The following NLGN4Y variants were observed in gnomAD, a reference collection of about 807,000 sequenced individuals.
The protein encoded by NLGN4Y is neuroligin-4, Y-linked.
Under a neutral mutation model 8.4 loss-of-function variants are expected in NLGN4Y, and 4 were observed. That is an observed-to-expected ratio of 0.48 (90% confidence interval 0.23 to 1.09). NLGN4Y has a LOEUF of 1.09. NLGN4Y is among the 50% of genes least tolerant of loss of function. The pLI is 0.19. For synonymous variants in NLGN4Y, 35 were observed against 75.6 expected (o/e 0.46, Z 2.78); for missense variants, 90 against 192.3 (o/e 0.47, Z 3.15).
intron 4 of NLGN4Y, among the ~76,000 whole-genome samples, chrY:14,817,803 G>A: frequency 3.1e-5 from 1 of 32,692 alleles, no homozygotes; most frequent in Non-Finnish European, 7.5e-5. Flanking sequence ...CAGGGGAATG[G>A]AGAAGAAGGC....
intron 2 of NLGN4Y, among the ~76,000 whole-genome samples, chrY:14,658,062 T>C (rs896402133): frequency 6.0e-5 from 2 of 33,479 alleles, no homozygotes; most frequent in Non-Finnish European, 1.5e-4. Flanking sequence ...GTATATTGTG[T>C]AATGCTGAGG....
intron 1 of NLGN4Y, among the ~76,000 whole-genome samples, chrY:14,596,286 G>A (rs1603500884): frequency 9.0e-5 from 3 of 33,307 alleles, no homozygotes; most frequent in Admixed American, 5.5e-4. Flanking sequence ...TGGTGAGCCC[G>A]GGTGCCTAAA....
intron 1 of NLGN4Y, among the ~76,000 whole-genome samples, chrY:14,546,615 A>C (rs909502571): frequency 7.5e-4 from 23 of 30,694 alleles, no homozygotes; most frequent in African/African-American, 2.7e-3. Flanking sequence ...TGATTTTTGC[A>C]CAGTGATTTT....
chrY:14,795,060 A>G (rs2043001597), intron 4 of NLGN4Y, among the ~76,000 whole-genome samples: 2 of 32,713 alleles, frequency 6.1e-5, no homozygotes, highest in Non-Finnish European at 1.5e-4. Flanking sequence ...TTTTCAGTAG[A>G]GATGGGCTTT....
At chrY:14,828,118 T>C (rs2043155454) in intron 5 of NLGN4Y, among the ~76,000 whole-genome samples, 1 of 33,274 alleles carries the variant, frequency 3.0e-5, no homozygotes, top group East Asian at 7.8e-4. Context: ...ATTCCCAACA[T>C]ACTCATTTTG....
chrY:14,734,559 C>A (rs9786893), intron 4 of NLGN4Y, among the ~76,000 whole-genome samples: 7,107 of 33,163 alleles, frequency 0.21, no homozygotes, highest in African/African-American at 0.68. Context: ...TTTAAATCTC[C>A]TTTTGTTCAT....
intron 2 of NLGN4Y, among the ~76,000 whole-genome samples, chrY:14,704,655 G>A (rs2080869335): frequency 3.0e-5 from 1 of 32,909 alleles, no homozygotes; most frequent in African/African-American, 1.2e-4. Flanking sequence ...GGCTTTGGTA[G>A]CAGGATGATG....
At chrY:14,816,587 G>T (rs2150590006) in intron 4 of NLGN4Y, among the ~76,000 whole-genome samples, 4 of 33,944 alleles carry the variant, frequency 1.2e-4, no homozygotes, top group Non-Finnish European at 2.9e-4. Flanking sequence ...CATTTCTAAG[G>T]CTCGGGTAAG....
At chrY:14,586,484 T>C (rs1007663534) in intron 1 of NLGN4Y, among the ~76,000 whole-genome samples, 2 of 33,180 alleles carry the variant, frequency 6.0e-5, no homozygotes, top group Non-Finnish European at 1.5e-4. Flanking sequence ...TTTTTGGATA[T>C]TGTACAGTTC....
At chrY:14,673,661 C>T in intron 2 of NLGN4Y, among the ~76,000 whole-genome samples, 1 of 33,391 alleles carries the variant, frequency 3.0e-5, no homozygotes, top group African/African-American at 1.2e-4. Flanking sequence ...CCATTTGACC[C>T]AGCCATCCCA....
At chrY:14,807,222 T>G (rs2043060926) in intron 4 of NLGN4Y, among the ~76,000 whole-genome samples, 1 of 32,844 alleles carries the variant, frequency 3.0e-5, no homozygotes, top group African/African-American at 1.2e-4. Context: ...TTCAATAACC[T>G]TTCTATTAAT....
intron 2 of NLGN4Y, among the ~76,000 whole-genome samples, chrY:14,702,554 G>A: frequency 3.0e-5 from 1 of 32,980 alleles, no homozygotes; most frequent in Non-Finnish European, 7.5e-5. Context: ...CTTAATCCAG[G>A]CTATCATTGT....
chrY:14,654,394 A>C, intron 2 of NLGN4Y, among the ~76,000 whole-genome samples: 1 of 33,254 alleles, frequency 3.0e-5, no homozygotes, highest in Non-Finnish European at 7.4e-5. Flanking sequence ...AATGTATTTT[A>C]ATCACATTTT....
chrY:14,598,069 C>T, intron 1 of NLGN4Y, among the ~76,000 whole-genome samples: 1 of 34,768 alleles, frequency 2.9e-5, no homozygotes, highest in African/African-American at 1.1e-4. Context: ...GATGTATTTA[C>T]AATCCCTGAT....
intron 2 of NLGN4Y, among the ~76,000 whole-genome samples, chrY:14,690,166 G>A (rs2080805036): frequency 3.0e-5 from 1 of 33,282 alleles, no homozygotes; most frequent in South Asian, 6.7e-4. Flanking sequence ...CTCAGAAAGA[G>A]TAAATTGGTT....
At chrY:14,707,091 G>GTGTA (rs2080882807) in intron 2 of NLGN4Y, among the ~76,000 whole-genome samples, 1 of 3,887 alleles carries the variant, frequency 2.6e-4, no homozygotes, top group Non-Finnish European at 5.5e-4. Context: ...AATTTTATGT[G>GTGTA]TATATATATA....
chrY:14,767,685 C>G, intron 4 of NLGN4Y, among the ~76,000 whole-genome samples: 1 of 33,664 alleles, frequency 3.0e-5, no homozygotes, highest in Admixed American at 2.7e-4. Context: ...GCTGGAAATG[C>G]ATTGTTTTCA....
chrY:14,785,498 G>A, intron 4 of NLGN4Y, among the ~76,000 whole-genome samples: 3 of 34,161 alleles, frequency 8.8e-5, no homozygotes, highest in Non-Finnish European at 2.2e-4. Context: ...GGGCGCGGTG[G>A]CTCACGCCTG....
chrY:14,658,989 CA>C (rs2080664962), intron 2 of NLGN4Y, among the ~76,000 whole-genome samples: 7 of 33,739 alleles, frequency 2.1e-4, no homozygotes, highest in African/African-American at 8.1e-4. Flanking sequence ...CAGCTTCCTG[CA>C]ATCTCTTTTA....
Sources: gnomAD v4.1 joint callset for allele counts (sites outside exome capture counted in the v4.1 genomes callset) on GRCh38, gnomAD v4.1.1 for gene constraint, MANE v1.5 for transcripts, NCBI Gene and HGNC (gene_info 2026-07-23, HGNC 2026-07-21) for gene names.